Variants in ST3GAL1 observed in about 807,000 individuals in gnomAD.
ST3GAL1 encodes ST3 beta-galactoside alpha-2,3-sialyltransferase 1.
ST3GAL1 carries 16 observed loss-of-function variants against 34.1 expected under a neutral mutation model. The observed-to-expected ratio is 0.47, with a 90% CI of 0.32 to 0.71. ST3GAL1 has a LOEUF of 0.71. ST3GAL1 is among the 30% of genes least tolerant of loss of function. The pLI is 0.04. For missense variants in ST3GAL1, 353 were observed against 447.4 expected, an observed-to-expected ratio of 0.79 and a Z score of 1.90; for synonymous variants, 191 against 184.7, an observed-to-expected ratio of 1.03 and a Z score of -0.28.
At chr8:133,509,839 A>G (rs185678428) in intron 2 of ST3GAL1, among the ~76,000 whole-genome samples, 4 of 152,190 alleles carry the variant, frequency 2.6e-5, no homozygotes, top group East Asian at 1.9e-4. Flanking sequence ...GGGTGGATCA[A>G]CTGAGGTCTG....
At chr8:133,503,533 C>T (rs1016763872) in intron 2 of ST3GAL1, among the ~76,000 whole-genome samples, 2 of 152,006 alleles carry the variant, frequency 1.3e-5, no homozygotes, top group African/African-American at 4.8e-5. Flanking sequence ...CCGTCCAGCC[C>T]CCCACTTCCT....
intron 1 of ST3GAL1, among the ~76,000 whole-genome samples, chr8:133,565,844 G>A (rs555159658): frequency 2.6e-5 from 4 of 152,342 alleles, no homozygotes; most frequent in African/African-American, 7.2e-5. Context: ...CCAGGGCCAG[G>A]GCCAGGGCCC....
chr8:133,505,196 G>A (rs1159365038), intron 2 of ST3GAL1, among the ~76,000 whole-genome samples: 7 of 152,092 alleles, frequency 4.6e-5, no homozygotes, highest in Non-Finnish European at 1.0e-4. Context: ...CTTCTTTTCT[G>A]AACTACCTTT....
At chr8:133,560,426 C>G (rs1426463449) in intron 1 of ST3GAL1, among the ~76,000 whole-genome samples, 5 of 152,286 alleles carry the variant, frequency 3.3e-5, no homozygotes, top group Admixed American at 1.3e-4. Context: ...TAAATAAACC[C>G]ACGGACTCAC....
At chr8:133,552,869 C>T (rs1818901320) in intron 1 of ST3GAL1, among the ~76,000 whole-genome samples, 1 of 152,190 alleles carries the variant, frequency 6.6e-6, no homozygotes. Flanking sequence ...GCACGCAAAG[C>T]ATCTCATGTG....
chr8:133,514,838 A>T (rs578191239), intron 2 of ST3GAL1, among the ~76,000 whole-genome samples: 65 of 151,990 alleles, frequency 4.3e-4, no homozygotes, highest in African/African-American at 1.5e-3. Context: ...CCAGGGTTCT[A>T]GGCCTTCAAT....
chr8:133,555,698 T>C (rs1818993226), intron 1 of ST3GAL1, among the ~76,000 whole-genome samples: 1 of 152,220 alleles, frequency 6.6e-6, no homozygotes, highest in South Asian at 2.1e-4. Context: ...TTTCCACCTC[T>C]TCCCTCCAAT....
intron 1 of ST3GAL1, among the ~76,000 whole-genome samples, chr8:133,558,861 T>G (rs987286279): frequency 1.3e-5 from 2 of 152,254 alleles, no homozygotes; most frequent in Non-Finnish European, 2.9e-5. Context: ...CATTATAACA[T>G]TGATGAGAAG....
chr8:133,507,705 G>C (rs75735388), intron 2 of ST3GAL1, among the ~76,000 whole-genome samples: 1 of 152,204 alleles, frequency 6.6e-6, no homozygotes, highest in Admixed American at 6.5e-5. Flanking sequence ...GGAGGGCAGG[G>C]GATGGTAATC....
chr8:133,559,796 G>C (rs1819162502), intron 1 of ST3GAL1, among the ~76,000 whole-genome samples: 1 of 152,186 alleles, frequency 6.6e-6, no homozygotes, highest in Non-Finnish European at 1.5e-5. Flanking sequence ...TAGGGAGCTG[G>C]CTAAGTTTAC....
chr8:133,497,020 GC>G (rs2130987764), intron 3 of ST3GAL1, among the ~76,000 whole-genome samples: 1 of 152,290 alleles, frequency 6.6e-6, no homozygotes, highest in South Asian at 2.1e-4. Flanking sequence ...CCAGGCTGGT[GC>G]CAATACCACC....
rs1402749908 is a variant in ST3GAL1, at chr8:133,458,530, T to C, written c.*1234A>G. The C allele has an allele frequency of 6.6e-6, 1 of 152,168 alleles. No individual in the cohort carries two copies. The highest frequency in any genetic ancestry group is 1.5e-5 in the Non-Finnish European group (1 of 68,072). The allele number at this position is 152,168 out of a possible 1,614,324, so 9.4% of individuals were successfully genotyped here. Reference sequence around the variant, plus strand: ...GCTTTGGAGGTTACGGGCACCATATTGAACAGTCTGAGAATGAGAATGTAC... The same window carrying C: ...GCTTTGGAGGTTACGGGCACCATATCGAACAGTCTGAGAATGAGAATGTAC... On this transcript the variant is annotated 3_prime_UTR_variant, in exon 10 of 10. Coordinates refer to ENST00000522652, the MANE Select transcript of ST3GAL1 (RefSeq NM_173344.3).
At chr8:133,497,508 T>C (rs1464626693) in intron 3 of ST3GAL1, among the ~76,000 whole-genome samples, 1 of 132,294 alleles carries the variant, frequency 7.6e-6, no homozygotes, top group African/African-American at 2.9e-5. Context: ...TCTCGCTCTT[T>C]TGCCCAGGCT....
At chr8:133,559,889 C>T (rs1819165144) in intron 1 of ST3GAL1, among the ~76,000 whole-genome samples, 1 of 152,148 alleles carries the variant, frequency 6.6e-6, no homozygotes, top group Non-Finnish European at 1.5e-5. Flanking sequence ...TGGCTCACCG[C>T]CTCCCTCAAT....
chr8:133,562,317 C>T (rs1470299625), intron 1 of ST3GAL1, among the ~76,000 whole-genome samples: 1 of 150,754 alleles, frequency 6.6e-6, no homozygotes, highest in Non-Finnish European at 1.5e-5. Flanking sequence ...TCAAGTGATT[C>T]TCCTACCTCA....
At chr8:133,546,034 C>T (rs899922541) in intron 1 of ST3GAL1, 108 bp from the exon 2 acceptor site, 2 of 152,248 alleles carry the variant, frequency 1.3e-5, no homozygotes, top group African/African-American at 4.8e-5. Context: ...ACTTATTCCA[C>T]TCACTCACCC....
chr8:133,471,621 C>T (rs542368714), intron 5 of ST3GAL1, among the ~76,000 whole-genome samples: 2 of 152,176 alleles, frequency 1.3e-5, no homozygotes, highest in Non-Finnish European at 2.9e-5. Context: ...TGACTCCAGA[C>T]CATGTCCTTT....
chr8:133,520,029 G>C (rs1302877310), intron 2 of ST3GAL1, among the ~76,000 whole-genome samples: 1 of 152,138 alleles, frequency 6.6e-6, no homozygotes, highest in Non-Finnish European at 1.5e-5. Context: ...TCATATTTTG[G>C]GACCTCTGTG....
intron 2 of ST3GAL1, among the ~76,000 whole-genome samples, chr8:133,538,314 A>G (rs991876942): frequency 1.3e-5 from 2 of 152,208 alleles, no homozygotes; most frequent in African/African-American, 4.8e-5. Flanking sequence ...CAGGAGTTCG[A>G]GATCGGCCTG....
Sources: gnomAD v4.1 joint callset for allele counts (sites outside exome capture counted in the v4.1 genomes callset) on GRCh38, gnomAD v4.1.1 for gene constraint, MANE v1.5 for transcripts, NCBI Gene and HGNC (gene_info 2026-07-23, HGNC 2026-07-21) for gene names.